HTR1F: variants seen among roughly 807,000 people sequenced by gnomAD.
HTR1F encodes the protein 5-hydroxytryptamine receptor 1F.
HTR1F carries 17 observed loss-of-function variants against 24.0 expected under a neutral mutation model. The ratio of observed to expected loss-of-function variants is 0.71; its 90% confidence interval spans 0.48 to 1.06. HTR1F has a LOEUF of 1.06. Ranked by LOEUF, HTR1F falls within the 50% of genes least tolerant of loss-of-function variation. The probability of loss-of-function intolerance (pLI) is 0.00; values close to 1 mark genes in which losing one functional copy is unlikely to be tolerated. For missense variants in HTR1F, 391 were observed against 427.8 expected (o/e 0.91, Z 0.76); for synonymous variants, 186 against 156.8 (o/e 1.19, Z -1.39).
chr3:87,886,776 A>T (rs1705956570), intron 2 of HTR1F, among the ~76,000 whole-genome samples: 1 of 152,188 alleles, frequency 6.6e-6, no homozygotes, highest in African/African-American at 2.4e-5. Flanking sequence ...CTTACAAGGG[A>T]TGTGAAGGAC....
chr3:87,896,197 C>T (rs1266052690), intron 2 of HTR1F, among the ~76,000 whole-genome samples: 1 of 152,140 alleles, frequency 6.6e-6, no homozygotes, highest in Non-Finnish European at 1.5e-5. Flanking sequence ...AATCTCACCT[C>T]AGGGACATTA....
Position 87,883,908 on chromosome 3 carries a change from G to A in HTR1F, c.-43+61784G>A, listed in dbSNP as rs144744528. Among the ~76,000 whole-genome samples, 959 of 152,238 alleles carry A rather than the reference G, an allele frequency of 6.3e-3. 8 individuals carry two copies. Among genetic ancestry groups the A allele is most frequent in the Non-Finnish European group, 0.01 (699 of 68,016 alleles). Reference sequence around the variant, plus strand: ...GTGATGGGGAGAATGGAACCAAGTTGGAAAACACTCTTCAGGATATTATCC... The same window carrying A: ...GTGATGGGGAGAATGGAACCAAGTTAGAAAACACTCTTCAGGATATTATCC... On this transcript the variant is annotated intron_variant, in intron 2 of 2. Coordinates refer to ENST00000319595, the MANE Select transcript of HTR1F (RefSeq NM_001322209.2).
chr3:87,838,259 A>G (rs1352652671), intron 2 of HTR1F, among the ~76,000 whole-genome samples: 2 of 152,120 alleles, frequency 1.3e-5, no homozygotes, highest in South Asian at 2.1e-4. Context: ...ACAATGTTCT[A>G]TCTCCTGTCA....
chr3:87,824,717 G>T (rs1042920637), intron 2 of HTR1F, among the ~76,000 whole-genome samples: 14 of 152,096 alleles, frequency 9.2e-5, no homozygotes, highest in African/African-American at 2.9e-4. Flanking sequence ...ATGTGTATAG[G>T]TGTGCTTTCA....
intron 2 of HTR1F, among the ~76,000 whole-genome samples, chr3:87,918,719 T>C (rs963018467): frequency 2.0e-5 from 3 of 151,994 alleles, no homozygotes; most frequent in Non-Finnish European, 4.4e-5. Flanking sequence ...AAAGAAATTG[T>C]AGATTTCTTT....
At chr3:87,901,622 G>C (rs2932278) in intron 2 of HTR1F, among the ~76,000 whole-genome samples, 13,519 of 151,900 alleles carry the variant, frequency 0.089, 1,891 homozygotes, top group African/African-American at 0.3. Context: ...CAAATGTAGA[G>C]AATGAAATTA....
At chr3:87,812,515 A>C (rs1156340230) in intron 1 of HTR1F, among the ~76,000 whole-genome samples, 1 of 152,224 alleles carries the variant, frequency 6.6e-6, no homozygotes, top group African/African-American at 2.4e-5. Flanking sequence ...GCAGAGCATA[A>C]ACGTTTGGAA....
chr3:87,916,452 C>G (rs775590880), intron 2 of HTR1F, among the ~76,000 whole-genome samples: 2 of 151,786 alleles, frequency 1.3e-5, no homozygotes, highest in Non-Finnish European at 2.9e-5. Context: ...TGGATAAGAA[C>G]TCATCAACCA....
chr3:87,972,158 T>C (rs1260842219), intron 2 of HTR1F, among the ~76,000 whole-genome samples: 1 of 152,234 alleles, frequency 6.6e-6, no homozygotes, highest in Admixed American at 6.5e-5. Context: ...CCCTTCTAGA[T>C]CTTACATTCT....
At chr3:87,888,749 G>C (rs1219544886) in intron 2 of HTR1F, among the ~76,000 whole-genome samples, 2 of 152,122 alleles carry the variant, frequency 1.3e-5, no homozygotes, top group Non-Finnish European at 2.9e-5. Context: ...GTAAAATGGG[G>C]AGCCTAAAAG....
At chr3:87,811,298 T>G (rs1232847459) in intron 1 of HTR1F, among the ~76,000 whole-genome samples, 4 of 151,426 alleles carry the variant, frequency 2.6e-5, no homozygotes, top group Admixed American at 2.6e-4. Flanking sequence ...AAAGCCTTCC[T>G]ACAGACAAAC....
chr3:87,942,833 G>T (rs1405605513), intron 2 of HTR1F, among the ~76,000 whole-genome samples: 2 of 151,702 alleles, frequency 1.3e-5, no homozygotes, highest in African/African-American at 4.9e-5. Flanking sequence ...GGGTTTCTAA[G>T]TTTTGCTCTG....
At chr3:87,878,697 AT>A (rs151134274) in intron 2 of HTR1F, among the ~76,000 whole-genome samples, 1 of 151,396 alleles carries the variant, frequency 6.6e-6, no homozygotes, top group Non-Finnish European at 1.5e-5. Flanking sequence ...ACACACACAG[AT>A]TTTTTTTTGT....
chr3:87,876,761 G>A lies in HTR1F; in HGVS notation c.-43+54637G>A, dbSNP rs182125301. Among the ~76,000 whole-genome samples, 447 of 152,176 alleles carry A rather than the reference G, an allele frequency of 2.9e-3. 9 individuals are homozygous for A. The highest frequency in any genetic ancestry group is 0.02 in the Admixed American group (308 of 15,274). ...GGTGAAAATTGTCTGTAGAGCTACC[G>A]AAGAACAACATATACATATTGTTCC... On this transcript the variant is annotated intron_variant, in intron 2 of 2. Transcript: ENST00000319595.
At chr3:87,823,346 G>A (rs1704396883) in intron 2 of HTR1F, among the ~76,000 whole-genome samples, 1 of 151,964 alleles carries the variant, frequency 6.6e-6, no homozygotes, top group Admixed American at 6.6e-5. Flanking sequence ...AGTTATGATG[G>A]AGAATATCAA....
chr3:87,970,042 T>A (rs1000400105), intron 2 of HTR1F, among the ~76,000 whole-genome samples: 1 of 152,234 alleles, frequency 6.6e-6, no homozygotes, highest in Non-Finnish European at 1.5e-5. Context: ...CGTGGAACTG[T>A]GAGTCTTTTA....
intron 2 of HTR1F, among the ~76,000 whole-genome samples, chr3:87,839,017 T>A (rs1432929839): frequency 1.3e-5 from 2 of 149,162 alleles, no homozygotes; most frequent in African/African-American, 2.4e-5. Flanking sequence ...ATTTTATTTT[T>A]ATTTTTATTT....
At chr3:87,922,737 T>C (rs1310083013) in intron 2 of HTR1F, among the ~76,000 whole-genome samples, 1 of 151,958 alleles carries the variant, frequency 6.6e-6, no homozygotes, top group Non-Finnish European at 1.5e-5. Flanking sequence ...TTCTTCTTCA[T>C]GTGAATATCC....
rs149783006 is a variant in HTR1F, at chr3:87,875,174, G to C, written c.-43+53050G>C. Among the ~76,000 whole-genome samples the C allele has an allele frequency of 8.2e-3, 1,243 of 152,282 alleles. 26 individuals are homozygous for C. Among genetic ancestry groups the C allele is most frequent in the African/African-American group, 0.028 (1,179 of 41,568 alleles). On this transcript the variant is annotated intron_variant, in intron 2 of 2. Coordinates refer to ENST00000319595, the MANE Select transcript of HTR1F (RefSeq NM_001322209.2). ...TTAAAAACTTCTACACAGTAGGCCA[G>C]GTGTGATGGCTCAGGCCTGTAGTCC...
Sources: gnomAD v4.1 joint callset for allele counts (sites outside exome capture counted in the v4.1 genomes callset) on GRCh38, gnomAD v4.1.1 for gene constraint, MANE v1.5 for transcripts, NCBI Gene and HGNC (gene_info 2026-07-23, HGNC 2026-07-21) for gene names.